PCED1B: variants seen among roughly 807,000 people sequenced by gnomAD.
The protein encoded by PCED1B is PC-esterase domain containing 1B, also known as PC-esterase domain-containing protein 1B.
For synonymous variants in PCED1B, 251 were observed against 246.1 expected (o/e 1.02, Z -0.19); for missense variants, 573 against 573.9 (o/e 1.00, Z 0.02).
intron 1 of PCED1B, among the ~76,000 whole-genome samples, chr12:47,089,933 C>G (rs1938191328): frequency 6.6e-6 from 1 of 152,068 alleles, no homozygotes; most frequent in South Asian, 2.1e-4. Context: ...ACACCATGCC[C>G]AGCTGATTTT....
chr12:47,119,150 C>A (rs960901032), intron 2 of PCED1B, among the ~76,000 whole-genome samples: 4 of 152,040 alleles, frequency 2.6e-5, no homozygotes, highest in African/African-American at 9.7e-5. Context: ...ATAGTCTTTT[C>A]AACAAATAGT....
chr12:47,183,592 T>C (rs1216160300), intron 2 of PCED1B, among the ~76,000 whole-genome samples: 1 of 152,208 alleles, frequency 6.6e-6, no homozygotes, highest in Non-Finnish European at 1.5e-5. Context: ...ACCATTTCTT[T>C]TTTTTTTAAC....
intron 2 of PCED1B, among the ~76,000 whole-genome samples, chr12:47,144,105 A>C (rs189832414): frequency 7.9e-5 from 12 of 152,164 alleles, no homozygotes; most frequent in Non-Finnish European, 1.2e-4. Context: ...TCTCACGCCT[A>C]AAGAACTAGC....
intron 2 of PCED1B, among the ~76,000 whole-genome samples, chr12:47,125,774 G>A (rs1399755291): frequency 6.6e-6 from 1 of 151,994 alleles, no homozygotes; most frequent in African/African-American, 2.4e-5. Context: ...ATTATAAAGG[G>A]AATTATGTTT....
At position 47,178,110 on chromosome 12, in the gene PCED1B, G is replaced by A. The variant is rs573096114; in HGVS notation, c.-525-38112G>A. On this transcript the variant is annotated intron_variant, in intron 2 of 3. Transcript: ENST00000546455. ...TCTGCTTAAGGGCCCACATGACCAA[G>A]AGTAGCAGAGAATTAGAAAGAGAGA... Among the ~76,000 whole-genome samples the A allele has an allele frequency of 2.0e-5, 3 of 152,286 alleles. No homozygotes were observed. The East Asian group carries it at 5.8e-4, about 29-fold the overall frequency.
intron 2 of PCED1B, chr12:47,209,517 A>G (rs949360016): frequency 2.0e-5 from 3 of 152,244 alleles, no homozygotes; most frequent in African/African-American, 7.2e-5. Context: ...GAATACATGA[A>G]TATGTAACAC....
At chr12:47,150,750 T>C (rs1023835011) in intron 2 of PCED1B, among the ~76,000 whole-genome samples, 13 of 151,794 alleles carry the variant, frequency 8.6e-5, no homozygotes, top group African/African-American at 3.1e-4. Context: ...GAGGAGCTTA[T>C]GGAGCAGCAA....
At chr12:47,217,504 GAA>G (rs1396879238) in intron 3 of PCED1B, among the ~76,000 whole-genome samples, 1 of 135,210 alleles carries the variant, frequency 7.4e-6, no homozygotes, top group African/African-American at 3.2e-5. Context: ...AAGAAAGAAA[GAA>G]AGAAAGAAAG....
At chr12:47,154,550 C>T (rs116125626) in intron 2 of PCED1B, among the ~76,000 whole-genome samples, 2 of 152,226 alleles carry the variant, frequency 1.3e-5, no homozygotes, top group African/African-American at 2.4e-5. Context: ...CATTTTAACA[C>T]TTCCATAGAT....
chr12:47,133,998 C>T (rs969614823), intron 2 of PCED1B, among the ~76,000 whole-genome samples: 23 of 152,192 alleles, frequency 1.5e-4, no homozygotes, highest in African/African-American at 4.8e-4. Context: ...ACAATGCTGG[C>T]GTCTGATTTT....
At chr12:47,101,785 A>G (rs1012507381) in intron 1 of PCED1B, among the ~76,000 whole-genome samples, 3 of 152,128 alleles carry the variant, frequency 2.0e-5, no homozygotes, top group Non-Finnish European at 2.9e-5. Context: ...CTTCTCAACT[A>G]AAAATACAAA....
intron 2 of PCED1B, among the ~76,000 whole-genome samples, chr12:47,211,739 C>T (rs1304877260): frequency 6.6e-6 from 1 of 151,178 alleles, no homozygotes; most frequent in Non-Finnish European, 1.5e-5. Flanking sequence ...GGGTGGATCA[C>T]TTGAGCCCAG....
At chr12:47,095,937 G>T (rs529779499) in intron 1 of PCED1B, among the ~76,000 whole-genome samples, 3 of 151,928 alleles carry the variant, frequency 2.0e-5, no homozygotes, top group Non-Finnish European at 4.4e-5. Context: ...TCTGTCTCAG[G>T]TACTTTATAT....
chr12:47,164,961 C>A (rs1941498383), intron 2 of PCED1B, among the ~76,000 whole-genome samples: 1 of 152,230 alleles, frequency 6.6e-6, no homozygotes, highest in Admixed American at 6.5e-5. Flanking sequence ...ATAGTTGGAA[C>A]TGTCCCCTGA....
At chr12:47,212,381 G>C (rs923673814) in intron 2 of PCED1B, among the ~76,000 whole-genome samples, 1 of 152,216 alleles carries the variant, frequency 6.6e-6, no homozygotes, top group Non-Finnish European at 1.5e-5. Context: ...CCCAGTTCTT[G>C]CAGGGCATTA....
At chr12:47,148,985 A>T (rs557667865) in intron 2 of PCED1B, among the ~76,000 whole-genome samples, 11 of 152,144 alleles carry the variant, frequency 7.2e-5, no homozygotes, top group Admixed American at 6.5e-4. Context: ...CACTGTCCTC[A>T]TTCCTTTAGG....
chr12:47,161,596 G>A (rs865972320), intron 2 of PCED1B, among the ~76,000 whole-genome samples: 35 of 152,272 alleles, frequency 2.3e-4, no homozygotes, highest in Middle Eastern at 3.4e-3. Context: ...TGGCAATCAC[G>A]AAAAAGTCAG....
At chr12:47,152,411 C>T (rs577319219) in intron 2 of PCED1B, among the ~76,000 whole-genome samples, 15 of 152,244 alleles carry the variant, frequency 9.9e-5, no homozygotes, top group Admixed American at 4.6e-4. Context: ...TCTGTTGAAT[C>T]ACGAGAAAAC....
intron 2 of PCED1B, among the ~76,000 whole-genome samples, chr12:47,126,704 TTTC>T (rs1350518088): frequency 6.6e-6 from 1 of 152,186 alleles, no homozygotes; most frequent in Non-Finnish European, 1.5e-5. Flanking sequence ...AGGTTGTTTA[TTTC>T]TTCTTAAATT....
Sources: gnomAD v4.1 joint callset for allele counts (sites outside exome capture counted in the v4.1 genomes callset) on GRCh38, gnomAD v4.1.1 for gene constraint, MANE v1.5 for transcripts, NCBI Gene and HGNC (gene_info 2026-07-23, HGNC 2026-07-21) for gene names.